The following FSTL4 variants were observed in gnomAD, a reference collection of about 807,000 sequenced individuals.
FSTL4 encodes follistatin-related protein 4.
In FSTL4, 28 loss-of-function variants were observed where a neutral mutation model predicts 78.2. That is an observed-to-expected ratio of 0.36 (90% CI 0.27 to 0.49). The LOEUF is 0.49. Ranked by LOEUF, FSTL4 falls within the 20% of genes least tolerant of loss-of-function variation. FSTL4 has a pLI of 0.98. For synonymous variants in FSTL4, 422 were observed against 440.5 expected, an observed-to-expected ratio of 0.96 and a Z score of 0.53; for missense variants, 922 against 1,084.9, an observed-to-expected ratio of 0.85 and a Z score of 2.11.
intron 4 of FSTL4, among the ~76,000 whole-genome samples, chr5:133,370,526 C>T (rs1290141448): frequency 6.6e-6 from 1 of 152,090 alleles, no homozygotes; most frequent in African/African-American, 2.4e-5. Flanking sequence ...GACAGTAGTT[C>T]TCCCAGGCAA....
chr5:133,415,073 T>TA (rs1439522171), intron 3 of FSTL4, among the ~76,000 whole-genome samples: 1 of 152,232 alleles, frequency 6.6e-6, no homozygotes, highest in Non-Finnish European at 1.5e-5. Context: ...TGGCTACAAA[T>TA]ACAAGGTCAG....
intron 4 of FSTL4, among the ~76,000 whole-genome samples, chr5:133,360,664 A>G (rs976545223): frequency 6.6e-6 from 1 of 152,196 alleles, no homozygotes; most frequent in Non-Finnish European, 1.5e-5. Flanking sequence ...TAAACTTTTT[A>G]TATTGTCCAA....
intron 3 of FSTL4, among the ~76,000 whole-genome samples, chr5:133,531,467 G>A (rs1308601764): frequency 6.6e-6 from 1 of 152,156 alleles, no homozygotes; most frequent in Non-Finnish European, 1.5e-5. Context: ...AAAGACTGAG[G>A]GCCAGAGCTG....
chr5:133,275,812 A>C (rs1366382672), intron 6 of FSTL4: 1 of 152,250 alleles, frequency 6.6e-6, no homozygotes, highest in Non-Finnish European at 1.5e-5. Context: ...TGAATGGAGA[A>C]AGAAGCGGTG....
chr5:133,246,814 T>C (rs370851770), intron 7 of FSTL4: 44 of 152,272 alleles, frequency 2.9e-4, no homozygotes, highest in African/African-American at 1.0e-3. Context: ...ATAGTAACAA[T>C]AGTAATGATG....
the FSTL4 span, among the ~76,000 whole-genome samples, chr5:133,666,459 C>T: frequency 3.9e-5 from 6 of 152,084 alleles, no homozygotes; most frequent in South Asian, 1.0e-3. Context: ...GGAATAAGGA[C>T]ATATTTTGCC....
chr5:133,746,514 G>C, the FSTL4 span, among the ~76,000 whole-genome samples: 1 of 152,052 alleles, frequency 6.6e-6, no homozygotes, highest in Non-Finnish European at 1.5e-5. Context: ...GAAATAGTGA[G>C]CAGAAAGGTT....
In FSTL4 at chr5:133,271,153, G is replaced by C. The variant is rs115084821; in HGVS notation, c.728-21577C>G. On this transcript the variant is annotated intron_variant, in intron 6 of 15. Coordinates refer to ENST00000265342, the MANE Select transcript of FSTL4 (RefSeq NM_015082.2). ...TAACTGTGGGAATGTGATTCCTTTC[G>C]ATGGCTCTTAATTTGCCCAATTGGG... Among the ~76,000 whole-genome samples, 1,336 of 152,284 alleles carry C rather than the reference G, an allele frequency of 8.8e-3. 23 individuals carry two copies. The highest frequency in any genetic ancestry group is 0.03 in the African/African-American group (1,264 of 41,548).
At chr5:133,771,234 A>G in the FSTL4 span, among the ~76,000 whole-genome samples, 1 of 151,746 alleles carries the variant, frequency 6.6e-6, no homozygotes, top group Admixed American at 6.6e-5. Context: ...GAATTTTGGT[A>G]TTGTTTTTTC....
At chr5:133,314,100 G>C (rs1753847733) in intron 5 of FSTL4, among the ~76,000 whole-genome samples, 1 of 152,230 alleles carries the variant, frequency 6.6e-6, no homozygotes. Flanking sequence ...TGGATACCAA[G>C]AGCTCATAGC....
the FSTL4 span, among the ~76,000 whole-genome samples, chr5:133,628,115 T>C: frequency 2.6e-5 from 4 of 152,024 alleles, no homozygotes; most frequent in Non-Finnish European, 4.4e-5. Flanking sequence ...ACTAAAGCAG[T>C]GTTTAGAGGG....
intron 3 of FSTL4, among the ~76,000 whole-genome samples, chr5:133,417,538 G>A (rs1756600212): frequency 6.6e-6 from 1 of 152,004 alleles, no homozygotes; most frequent in Non-Finnish European, 1.5e-5. Context: ...GAATCCTCAA[G>A]CAAAATAAAT....
chr5:133,812,440 A>ATGGG, the FSTL4 span, among the ~76,000 whole-genome samples: 1 of 152,106 alleles, frequency 6.6e-6, no homozygotes, highest in Non-Finnish European at 1.5e-5. Context: ...CACCCTTCCT[A>ATGGG]TGGGTCTTCC....
At chr5:133,457,836 G>A (rs905010570) in intron 3 of FSTL4, 2 of 152,234 alleles carry the variant, frequency 1.3e-5, no homozygotes, top group Admixed American at 6.5e-5. Context: ...GACCTTGGAA[G>A]GAGTGGATGA....
At chr5:133,753,427 G>A in the FSTL4 span, among the ~76,000 whole-genome samples, 1 of 152,198 alleles carries the variant, frequency 6.6e-6, no homozygotes, top group Non-Finnish European at 1.5e-5. Flanking sequence ...AAATAAGGGA[G>A]GGTGGGACCC....
intron 3 of FSTL4, among the ~76,000 whole-genome samples, chr5:133,424,954 C>A (rs773137866): frequency 6.6e-6 from 1 of 152,162 alleles, no homozygotes; most frequent in South Asian, 2.1e-4. Flanking sequence ...AAATAGATAA[C>A]CTAATCAAAA....
the FSTL4 span, among the ~76,000 whole-genome samples, chr5:133,733,585 ACT>A: frequency 6.6e-6 from 1 of 152,158 alleles, no homozygotes; most frequent in African/African-American, 2.4e-5. Context: ...AAAACAACTG[ACT>A]CTATTTCTAT....
chr5:133,407,244 T>C (rs903090751), intron 3 of FSTL4, among the ~76,000 whole-genome samples: 1 of 152,206 alleles, frequency 6.6e-6, no homozygotes, highest in Non-Finnish European at 1.5e-5. Flanking sequence ...TTGTCATGCA[T>C]GGACACCTGG....
the FSTL4 span, among the ~76,000 whole-genome samples, chr5:133,703,194 A>G: frequency 2.0e-5 from 3 of 152,262 alleles, no homozygotes; most frequent in African/African-American, 4.8e-5. Flanking sequence ...ACTATACAGT[A>G]AAAACCTTTT....
Sources: allele counts gnomAD v4.1 joint callset (sites outside exome capture counted in the v4.1 genomes callset), GRCh38; gene constraint gnomAD v4.1.1; transcripts MANE v1.5; gene names NCBI Gene and HGNC (gene_info 2026-07-23, HGNC 2026-07-21).